INTS12: variants seen among roughly 807,000 people sequenced by gnomAD.
INTS12 encodes PHD finger protein 22.
In INTS12, 13 loss-of-function variants were observed where a neutral mutation model predicts 41.6. That is an observed-to-expected ratio of 0.31 (90% confidence interval 0.20 to 0.50). The LOEUF (loss-of-function observed/expected upper bound fraction) is 0.50. INTS12 is among the 20% of genes least tolerant of loss of function. The pLI, the probability that INTS12 is intolerant of heterozygous loss-of-function variation, is 0.98. For missense variants in INTS12, 432 were observed against 541.6 expected, an observed-to-expected ratio of 0.80 and a Z score of 2.01; for synonymous variants, 199 against 191.4, an observed-to-expected ratio of 1.04 and a Z score of -0.33.
intron 2 of INTS12, among the ~76,000 whole-genome samples, chr4:105,701,911 TGACAA>T (rs1732087371): frequency 6.6e-6 from 1 of 152,064 alleles, no homozygotes; most frequent in African/African-American, 2.4e-5. Flanking sequence ...ACAGATTAGG[TGACAA>T]GAGTCAGCAC....
intron 5 of INTS12, 72 bp downstream of exon 5, chr4:105,693,227 G>T: frequency 2.4e-6 from 3 of 1,231,032 alleles, no homozygotes; most frequent in Non-Finnish European, 3.3e-6. Context: ...CTGATTTTGG[G>T]GGTTGAGGAG....
At chr4:105,705,680 T>G (rs1334900137) in intron 1 of INTS12, 2 of 152,188 alleles carry the variant, frequency 1.3e-5, no homozygotes, top group African/African-American at 4.8e-5. Context: ...TCCAATATAC[T>G]CTTTCTTACC....
At chr4:105,695,710 T>C in intron 3 of INTS12, 42 bp from the exon 4 acceptor site, 1 of 1,451,740 alleles carries the variant, frequency 6.9e-7, no homozygotes, top group Non-Finnish European at 9.4e-7. Flanking sequence ...ATATTTAGAC[T>C]GATCATCATA....
chr4:105,708,290 G>A, intron 1 of INTS12: 5 of 985,516 alleles, frequency 5.1e-6, no homozygotes, highest in Non-Finnish European at 6.0e-6. Context: ...TAGAATGGGG[G>A]ATGGTCCTTG....
chr4:105,686,506 G>C (rs1578379819), intron 7 of INTS12, among the ~76,000 whole-genome samples, 186 bp downstream of exon 7: 1 of 152,124 alleles, frequency 6.6e-6, no homozygotes, highest in Non-Finnish European at 1.5e-5. Context: ...AAAAACAACA[G>C]AGTTAGAGAT....
At chr4:105,687,361 C>T (rs1311481745) in intron 6 of INTS12, among the ~76,000 whole-genome samples, 7 of 152,090 alleles carry the variant, frequency 4.6e-5, no homozygotes, top group Non-Finnish European at 8.8e-5. Context: ...TTCCACATTG[C>T]AAAACTAGGC....
At chr4:105,708,324 A>G in intron 1 of INTS12, 1 of 985,564 alleles carries the variant, frequency 1.0e-6, no homozygotes, top group Non-Finnish European at 1.2e-6. Flanking sequence ...AAGATGAGAG[A>G]CAATGAGGGA....
chr4:105,695,291 T>C (rs1241382584), intron 4 of INTS12, among the ~76,000 whole-genome samples: 1 of 152,146 alleles, frequency 6.6e-6, no homozygotes, highest in Non-Finnish European at 1.5e-5. Flanking sequence ...AGGACTCAAA[T>C]ATTTATTGAC....
At chr4:105,699,259 A>G (rs1731975025) in intron 3 of INTS12, among the ~76,000 whole-genome samples, 1 of 152,232 alleles carries the variant, frequency 6.6e-6, no homozygotes, top group African/African-American at 2.4e-5. Context: ...TGCCTGGGAC[A>G]TCAAGATACG....
chr4:105,688,215 C>T (rs1308713073), intron 6 of INTS12, among the ~76,000 whole-genome samples: 1 of 152,126 alleles, frequency 6.6e-6, no homozygotes, highest in Non-Finnish European at 1.5e-5. Flanking sequence ...CCAGAAAAAT[C>T]CATGCATACT....
chr4:105,683,238 G>C lies in INTS12; in HGVS notation c.884C>G (p.Ala295Gly). The C allele has an allele frequency of 6.2e-7, 1 of 1,614,044 alleles. No homozygotes were observed. Among genetic ancestry groups the C allele is most frequent in the Non-Finnish European group, 8.5e-7 (1 of 1,179,952 alleles). ...AGCAGAGGAAGTTTTGGCTGCAAAA[G>C]CTGCCCATCCAGTTAAGCCACTAGT... ...SVTSGLTGWA[A>G]FAAKTSSAGP... is the part of the protein sequence containing the mutation. Residue 295 changes from alanine (A) to glycine (G), a missense_variant, in exon 8 of 8, where the codon GCT becomes GGT. Coordinates refer to ENST00000340139, the MANE Select transcript of INTS12 (RefSeq NM_020395.4).
Position 105,699,951 on chromosome 4 carries a change from A to G in INTS12, c.55T>C (p.Phe19Leu). 1 of 1,518,822 alleles carries G rather than the reference A, an allele frequency of 6.6e-7. No homozygotes were observed. Among genetic ancestry groups the G allele is most frequent in the Non-Finnish European group, 9.0e-7 (1 of 1,115,818 alleles). 94.1% of individuals were successfully genotyped at this position (1,518,822 alleles called of 1,614,324 possible). Residue 19 changes from phenylalanine to leucine, a missense_variant, in exon 3 of 8, where the codon TTC (phenylalanine) becomes CTC (leucine). Transcript: ENST00000340139. Reference protein sequence around the residue: ...LDPIFLKALGFLHSKSKDSAE... With the variant: ...LDPIFLKALGLLHSKSKDSAE... ...GAATCTTTACTCTTTGAATGCAAGA[A>G]ACCTAGTGCTTTCAAAAAAATGGGA...
At chr4:105,691,489 GAAGGA>G (rs1490147264) in intron 6 of INTS12, among the ~76,000 whole-genome samples, 2 of 152,208 alleles carry the variant, frequency 1.3e-5, no homozygotes, top group Non-Finnish European at 2.9e-5. Context: ...AGGACAATGA[GAAGGA>G]AAGACTAAGC....
Position 105,691,057 on chromosome 4 carries a change from A to G in INTS12, c.657+919T>C, listed in dbSNP as rs187344723. 3.2e-4 allele frequency among the ~76,000 whole-genome samples: 48 copies of G among 152,350 alleles called. No homozygotes were observed. In the East Asian group the frequency reaches 9.1e-3, roughly 29 times the overall value. On this transcript the variant is annotated intron_variant, in intron 6 of 7. Coordinates refer to ENST00000340139, the MANE Select transcript of INTS12 (RefSeq NM_020395.4). ...TACTTTTTATTTCATAGGAATAAAT[A>G]AAAACACTTCCTATTTCTGATTTAA...
At chr4:105,707,991 C>T (rs1225159637) in intron 1 of INTS12, 1 of 985,302 alleles carries the variant, frequency 1.0e-6, no homozygotes, top group African/African-American at 1.7e-5. Context: ...AAACTGTTCA[C>T]ATAGAGTGCA....
At chr4:105,693,998 T>C (rs185317518) in intron 4 of INTS12, among the ~76,000 whole-genome samples, 534 of 152,326 alleles carry the variant, frequency 3.5e-3, no homozygotes, top group Non-Finnish European at 6.1e-3. Context: ...CAATGCCTAG[T>C]AATGTTGAAG....
intron 7 of INTS12, among the ~76,000 whole-genome samples, chr4:105,684,728 AAGTT>A (rs1459218195): frequency 6.6e-6 from 1 of 152,018 alleles, no homozygotes; most frequent in Non-Finnish European, 1.5e-5. Context: ...ATGAGAGAAA[AAGTT>A]AGTCAAGAAG....
At chr4:105,690,107 T>C (rs1432070158) in intron 6 of INTS12, among the ~76,000 whole-genome samples, 1 of 152,176 alleles carries the variant, frequency 6.6e-6, no homozygotes, top group Admixed American at 6.5e-5. Flanking sequence ...GCAGAAAATA[T>C]GGGAACATGA....
Position 105,683,145 on chromosome 4 carries a change from G to C in INTS12, c.977C>G (p.Ala326Gly), listed in dbSNP as rs201024656. The part of the protein sequence containing the change: ...NNTGKPATSS[A>G]NQKPVGLTGL... ...AGTCAAACCCACAGGTTTCTGGTTA[G>C]CTGACGAAGTAGCAGGTTTCCCAGT... Residue 326 changes from alanine to glycine, a missense_variant, in exon 8 of 8, where the codon GCT becomes GGT. Ala to Gly is a moderately conservative substitution (Grantham distance 60). Transcript: ENST00000340139. 1.4e-5 allele frequency: 22 copies of C among 1,614,006 alleles called. No homozygotes were observed. Among genetic ancestry groups the C allele is most frequent in the Non-Finnish European group, 1.8e-5 (21 of 1,179,982 alleles).
Sources: gnomAD v4.1 joint callset for allele counts (sites outside exome capture counted in the v4.1 genomes callset) on GRCh38, gnomAD v4.1.1 for gene constraint, MANE v1.5 for transcripts, NCBI Gene and HGNC (gene_info 2026-07-23, HGNC 2026-07-21) for gene names.